PPM1L: variants seen among roughly 807,000 people sequenced by gnomAD.
The protein encoded by PPM1L is protein phosphatase 1L.
In PPM1L, 13 loss-of-function variants were observed where a neutral mutation model predicts 31.4. The observed-to-expected ratio is 0.41, with a 90% CI of 0.27 to 0.66. The LOEUF (loss-of-function observed/expected upper bound fraction) is 0.66, where lower values mean the gene tolerates loss of function less well. PPM1L is among the 30% of genes least tolerant of loss of function. The pLI is 0.29. For missense variants in PPM1L, 326 were observed against 453.7 expected, an observed-to-expected ratio of 0.72 and a Z score of 2.56; for synonymous variants, 184 against 175.4, an observed-to-expected ratio of 1.05 and a Z score of -0.39.
At chr3:160,941,010 G>T (rs1159418790) in intron 1 of PPM1L, among the ~76,000 whole-genome samples, 1 of 152,198 alleles carries the variant, frequency 6.6e-6, no homozygotes, top group East Asian at 1.9e-4. Context: ...TCTTGCATCA[G>T]CGTGACCTGG....
At chr3:160,789,205 T>G (rs1220562277) in intron 1 of PPM1L, among the ~76,000 whole-genome samples, 1 of 151,936 alleles carries the variant, frequency 6.6e-6, no homozygotes. Flanking sequence ...ACTAGACTTA[T>G]TCTCAAGACT....
At chr3:160,767,272 C>T (rs1024498576) in intron 1 of PPM1L, among the ~76,000 whole-genome samples, 9 of 151,580 alleles carry the variant, frequency 5.9e-5, no homozygotes, top group Admixed American at 5.9e-4. Context: ...ATTACTCTGC[C>T]ATCCAGGCTG....
chr3:160,835,033 A>ACTTCTTCTTCTTCTTCTTCTTCTT (rs1472836807), intron 1 of PPM1L, among the ~76,000 whole-genome samples: 1 of 86,280 alleles, frequency 1.2e-5, no homozygotes, highest in African/African-American at 7.0e-5. Flanking sequence ...TACTATTACT[A>ACTTCTTCTTCTTCTTCTTCTTCTT]CTACTACTTC....
At chr3:160,768,790 A>T (rs1715174946) in intron 1 of PPM1L, among the ~76,000 whole-genome samples, 1 of 152,140 alleles carries the variant, frequency 6.6e-6, no homozygotes, top group Non-Finnish European at 1.5e-5. Flanking sequence ...AGCGGATTAA[A>T]CACTGGAGAC....
At chr3:160,802,397 G>A (rs1033774264) in intron 1 of PPM1L, among the ~76,000 whole-genome samples, 7 of 152,232 alleles carry the variant, frequency 4.6e-5, no homozygotes, top group South Asian at 2.1e-4. Context: ...TGGAACTGAG[G>A]TTTCATGGTG....
chr3:161,065,477 C>G lies in PPM1L; in HGVS notation c.649C>G (p.Leu217Val). Residue 217 changes from leucine to valine, a missense_variant, in exon 3 of 4, where the codon CTG (leucine) becomes GTG (valine). Transcript: ENST00000498165. ...VANVGDSRGV[L>V]CDKDGNAIPL... Reference sequence around the variant, plus strand: ...CAACGTGGGTGACTCGCGCGGGGTCCTGTGTGACAAAGATGGGAACGCTAT... The same window carrying G: ...CAACGTGGGTGACTCGCGCGGGGTCGTGTGTGACAAAGATGGGAACGCTAT... 2.5e-6 allele frequency: 4 copies of G among 1,614,048 alleles called. No individual in the cohort carries two copies. The highest frequency in any genetic ancestry group is 3.4e-6 in the Non-Finnish European group (4 of 1,179,958).
intron 1 of PPM1L, among the ~76,000 whole-genome samples, chr3:160,887,176 G>A (rs1489557414): frequency 2.0e-5 from 3 of 152,014 alleles, no homozygotes; most frequent in African/African-American, 4.8e-5. Flanking sequence ...CAATGAAAAG[G>A]AATGAACAAA....
At chr3:160,934,518 A>C (rs992873083) in intron 1 of PPM1L, among the ~76,000 whole-genome samples, 1 of 152,230 alleles carries the variant, frequency 6.6e-6, no homozygotes, top group Admixed American at 6.5e-5. Flanking sequence ...AAAATGTCTC[A>C]TGTAATTCCT....
At position 161,065,525 on chromosome 3, in the gene PPM1L, C is replaced by G; in HGVS notation, c.697C>G (p.Pro233Ala). Reference protein sequence around the residue: ...NAIPLSHDHKPYQLKERKRIK... With the variant: ...NAIPLSHDHKAYQLKERKRIK... ...TATTCCTTTGTCTCATGATCACAAG[C>G]CTTACCAGTTGAAGGAAAGAAAGAG... is the stretch of plus-strand genomic sequence containing the variant. The change falls in exon 3 of 4, where the codon CCT (proline) becomes GCT (alanine). Residue 233 changes from proline to alanine, a missense_variant. Coordinates refer to ENST00000498165, the MANE Select transcript of PPM1L (RefSeq NM_139245.4). The G allele has an allele frequency of 6.2e-7, 1 of 1,613,988 alleles. No homozygotes were observed. Among genetic ancestry groups the G allele is most frequent in the African/African-American group, 1.3e-5 (1 of 75,002 alleles).
chr3:160,992,734 G>C (rs541252113), intron 2 of PPM1L, among the ~76,000 whole-genome samples: 2 of 152,290 alleles, frequency 1.3e-5, no homozygotes, highest in African/African-American at 4.8e-5. Context: ...TCTCTTTCCT[G>C]GTATCTGCTG....
intron 2 of PPM1L, among the ~76,000 whole-genome samples, chr3:161,054,989 ATTAAT>A (rs1043093812): frequency 1.1e-4 from 17 of 152,298 alleles, no homozygotes; most frequent in African/African-American, 3.8e-4. Flanking sequence ...CGTAATTAGT[ATTAAT>A]TTAATAGTCT....
chr3:160,866,766 A>G (rs1712102886), intron 1 of PPM1L, among the ~76,000 whole-genome samples: 1 of 152,220 alleles, frequency 6.6e-6, no homozygotes, highest in Non-Finnish European at 1.5e-5. Context: ...TGAATATGAC[A>G]TCTGATTACC....
At chr3:160,766,961 G>T (rs1005714276) in intron 1 of PPM1L, among the ~76,000 whole-genome samples, 7 of 148,012 alleles carry the variant, frequency 4.7e-5, no homozygotes, top group African/African-American at 1.3e-4. Flanking sequence ...TGGGGCCATT[G>T]CATACCATAG....
At chr3:161,064,769 A>G (rs1719673586) in intron 2 of PPM1L, among the ~76,000 whole-genome samples, 1 of 151,772 alleles carries the variant, frequency 6.6e-6, no homozygotes, top group Middle Eastern at 3.4e-3. Context: ...TCTGACTCGA[A>G]CCACCCTCTC....
intron 1 of PPM1L, among the ~76,000 whole-genome samples, chr3:160,949,034 TA>T (rs1326719913): frequency 6.6e-6 from 1 of 152,202 alleles, no homozygotes. Flanking sequence ...GTTGATTTAC[TA>T]AATATGGAGC....
chr3:160,878,122 A>G (rs1190879876), intron 1 of PPM1L, among the ~76,000 whole-genome samples: 2 of 152,158 alleles, frequency 1.3e-5, no homozygotes, highest in African/African-American at 4.8e-5. Flanking sequence ...TATAATCACC[A>G]TCTCCACCCT....
chr3:160,945,760 A>G (rs1257310080), intron 1 of PPM1L, among the ~76,000 whole-genome samples: 2 of 151,854 alleles, frequency 1.3e-5, no homozygotes, highest in Non-Finnish European at 2.9e-5. Flanking sequence ...AGCAAGACCA[A>G]CTCCTCCTTT....
At chr3:160,830,364 A>G (rs898802282) in intron 1 of PPM1L, among the ~76,000 whole-genome samples, 1 of 152,162 alleles carries the variant, frequency 6.6e-6, no homozygotes, top group Non-Finnish European at 1.5e-5. Context: ...ATATAGTTCC[A>G]TCATGGTGAA....
At chr3:160,869,465 G>C (rs1712221563) in intron 1 of PPM1L, among the ~76,000 whole-genome samples, 1 of 152,030 alleles carries the variant, frequency 6.6e-6, no homozygotes, top group Non-Finnish European at 1.5e-5. Flanking sequence ...TAGGCATAAG[G>C]CTGTAACCTT....
Sources: allele counts gnomAD v4.1 joint callset (sites outside exome capture counted in the v4.1 genomes callset), GRCh38; gene constraint gnomAD v4.1.1; transcripts MANE v1.5; gene names NCBI Gene and HGNC (gene_info 2026-07-23, HGNC 2026-07-21).